Variants in ADAMTS12 observed in about 807,000 individuals in gnomAD.
ADAMTS12 encodes the protein ADAM metallopeptidase with thrombospondin type 1 motif 12, also known as A disintegrin and metalloproteinase with thrombospondin motifs 12.
Under a neutral mutation model 167.8 loss-of-function variants are expected in ADAMTS12, and 118 were observed. The observed-to-expected ratio is 0.70, with a 90% CI of 0.61 to 0.82. The LOEUF is 0.82. Ranked by LOEUF, ADAMTS12 falls within the 40% of genes least tolerant of loss-of-function variation. The pLI, the probability that ADAMTS12 is intolerant of heterozygous loss-of-function variation, is 0.00. For missense variants in ADAMTS12, 1,916 were observed against 1,998.8 expected (o/e 0.96, Z 0.79); for synonymous variants, 704 against 716.9 (o/e 0.98, Z 0.29).
intron 13 of ADAMTS12, among the ~76,000 whole-genome samples, chr5:33,628,328 A>G (rs1739756713): frequency 6.6e-6 from 1 of 152,092 alleles, no homozygotes; most frequent in African/African-American, 2.4e-5. Flanking sequence ...CTCATTTTTA[A>G]AAGCTTATTC....
intron 2 of ADAMTS12, among the ~76,000 whole-genome samples, chr5:33,849,320 T>TATATATATATGTATTGAATAGCA (rs1749099819): frequency 4.0e-5 from 3 of 75,742 alleles, no homozygotes; most frequent in Non-Finnish European, 8.7e-5. Context: ...ATTGCATAGC[T>TATATATATATGTATTGAATAGCA]ATATATATAT....
At chr5:33,552,806 GC>G in intron 20 of ADAMTS12, among the ~76,000 whole-genome samples, 1 of 152,230 alleles carries the variant, frequency 6.6e-6, no homozygotes, top group African/African-American at 2.4e-5. Flanking sequence ...TTAGGCTGAT[GC>G]CTCCACCTTT....
intron 1 of ADAMTS12, among the ~76,000 whole-genome samples, chr5:33,891,125 T>A (rs547874631): frequency 2.6e-4 from 40 of 152,102 alleles, no homozygotes; most frequent in African/African-American, 9.2e-4. Flanking sequence ...GTTCAGAAAT[T>A]CATAAAGAGA....
At position 33,580,678 on chromosome 5, in the gene ADAMTS12, C is replaced by T. The variant is rs1458303012; in HGVS notation, c.2866-3518G>A. Reference sequence around the variant, plus strand: ...GGCCCACTGACATGTATTCTTTAGCCTGCTCAATCTTAAAACCCACCAACC... The same window carrying T: ...GGCCCACTGACATGTATTCTTTAGCTTGCTCAATCTTAAAACCCACCAACC... On this transcript the variant is annotated intron_variant, in intron 18 of 23. Coordinates refer to ENST00000504830, the MANE Select transcript of ADAMTS12 (RefSeq NM_030955.4). 4.6e-5 allele frequency among the ~76,000 whole-genome samples: 7 copies of T among 152,226 alleles called. No homozygotes were observed. In the East Asian group the frequency reaches 1.3e-3, roughly 29 times the overall value.
intron 1 of ADAMTS12, among the ~76,000 whole-genome samples, chr5:33,883,331 T>G (rs890959162): frequency 1.9e-3 from 135 of 72,450 alleles, no homozygotes; most frequent in Admixed American, 4.6e-3. Flanking sequence ...TTTTTTGTTT[T>G]TTTTTTTTTT....
intron 23 of ADAMTS12, 117 bp from the exon 24 acceptor site, chr5:33,527,483 A>T: frequency 1.0e-6 from 1 of 982,128 alleles, no homozygotes; most frequent in East Asian, 2.6e-5. Flanking sequence ...AGCCATAACA[A>T]TTCATAATAG....
At chr5:33,633,065 A>G (rs1263489465) in intron 12 of ADAMTS12, among the ~76,000 whole-genome samples, 1 of 151,608 alleles carries the variant, frequency 6.6e-6, no homozygotes, top group African/African-American at 2.4e-5. Flanking sequence ...TTTGTGTGCA[A>G]ATGAAAACCT....
At chr5:33,803,662 G>A (rs754462322) in intron 2 of ADAMTS12, among the ~76,000 whole-genome samples, 19 of 152,188 alleles carry the variant, frequency 1.2e-4, no homozygotes, top group Non-Finnish European at 2.2e-4. Context: ...GAGGAAAGAG[G>A]TTTAATTCTT....
chr5:33,626,374 ATGGGGGTGATGGTAGTGGTGATGGTGG>A (rs1379507812), intron 13 of ADAMTS12, among the ~76,000 whole-genome samples: 75 of 122,240 alleles, frequency 6.1e-4, no homozygotes, highest in African/African-American at 2.2e-3. Flanking sequence ...GGTGGTGGTG[ATGGGGGTGATGGTAGTGGTGATGGTGG>A]TGGGGGTGAT....
chr5:33,683,988 G>C lies in ADAMTS12; in HGVS notation c.702C>G (p.Ser234Arg). 6.2e-7 allele frequency: 1 copy of C among 1,611,770 alleles called. No individual in the cohort carries two copies. Among genetic ancestry groups the C allele is most frequent in the African/African-American group, 1.3e-5 (1 of 74,918 alleles). Residue 234 changes from serine to arginine, a missense_variant, in exon 4 of 24, where the codon AGC (serine) becomes AGG (arginine). Physicochemically the swap from Ser to Arg is moderately radical, Grantham distance 110. Transcript: ENST00000504830. The stretch of plus-strand genomic sequence containing the variant: ...TGATGGAACGCCGAGAGAGGCTTCT[G>C]CTTGGCAAGTTGTGCCTCTCCCACT... ...REKWERHNLP[S>R]RSLSRRSISK...
intron 2 of ADAMTS12, among the ~76,000 whole-genome samples, chr5:33,785,776 C>T (rs1319505354): frequency 6.6e-6 from 1 of 152,182 alleles, no homozygotes; most frequent in Non-Finnish European, 1.5e-5. Context: ...AAAAGACTAA[C>T]ATAGACATTT....
chr5:33,852,992 C>A (rs973345301), intron 2 of ADAMTS12, among the ~76,000 whole-genome samples: 2 of 152,188 alleles, frequency 1.3e-5, no homozygotes, highest in Admixed American at 1.3e-4. Flanking sequence ...CACAGCCCCT[C>A]AGGAGCAGGG....
chr5:33,648,856 T>C lies in ADAMTS12; in HGVS notation c.1445A>G (p.Tyr482Cys), dbSNP rs140311659. The C allele has an allele frequency of 1.9e-6, 3 of 1,614,004 alleles. No individual in the cohort carries two copies. The highest frequency in any genetic ancestry group is 2.7e-5 in the African/African-American group (2 of 75,004). The change falls in exon 9 of 24, where the codon TAT becomes TGT. Residue 482 changes from tyrosine to cysteine, a missense_variant. Physicochemically the swap from Tyr to Cys is radical, Grantham distance 194. Transcript: ENST00000504830. ...YDVHHQCQLQ[Y>C]GPNATFCQEV... ...CTGGCAGAAGGTAGCATTGGGTCCA[T>C]ATTGTAGCTGGCACTGGTGGTGAAC...
chr5:33,641,166 A>C (rs774534578), intron 11 of ADAMTS12, among the ~76,000 whole-genome samples: 12 of 152,108 alleles, frequency 7.9e-5, no homozygotes, highest in Non-Finnish European at 1.0e-4. Flanking sequence ...AAGCAAGTTT[A>C]AATTTACCTC....
chr5:33,811,886 C>T (rs1324072575), intron 2 of ADAMTS12, among the ~76,000 whole-genome samples: 2 of 152,144 alleles, frequency 1.3e-5, no homozygotes, highest in African/African-American at 2.4e-5. Flanking sequence ...AATCTACACC[C>T]GTGCTGAAGG....
At chr5:33,600,507 T>C (rs1416514962) in intron 16 of ADAMTS12, among the ~76,000 whole-genome samples, 4 of 152,180 alleles carry the variant, frequency 2.6e-5, no homozygotes, top group Admixed American at 2.0e-4. Context: ...ACTGAAAGAC[T>C]TAGATAAAAC....
rs563057239 is a variant in ADAMTS12, at chr5:33,575,035, G to T, written c.3972+1019C>A. ...TTTGATGCTTCAAAGGATGTAATTG[G>T]TTCTAGAAATGAAAAGACAAATACC... On this transcript the variant is annotated intron_variant, in intron 19 of 23. Transcript: ENST00000504830. Among the ~76,000 whole-genome samples, 13 of 152,204 alleles carry T rather than the reference G, an allele frequency of 8.5e-5. No homozygotes were observed. The South Asian group carries it at 2.5e-3, about 29-fold the overall frequency.
At chr5:33,736,253 G>A (rs544568891) in intron 3 of ADAMTS12, among the ~76,000 whole-genome samples, 1 of 151,988 alleles carries the variant, frequency 6.6e-6, no homozygotes, top group South Asian at 2.1e-4. Context: ...AGTAGTGATG[G>A]GGTTTCACCA....
At chr5:33,664,695 T>C (rs1399141140) in intron 5 of ADAMTS12, among the ~76,000 whole-genome samples, 2 of 152,104 alleles carry the variant, frequency 1.3e-5, no homozygotes, top group Admixed American at 1.3e-4. Context: ...TGTACACTGT[T>C]GGTGGAAATG....
Sources: allele counts gnomAD v4.1 joint callset (sites outside exome capture counted in the v4.1 genomes callset), GRCh38; gene constraint gnomAD v4.1.1; transcripts MANE v1.5; gene names NCBI Gene and HGNC (gene_info 2026-07-23, HGNC 2026-07-21).